Variants in MIER2 observed in about 807,000 individuals in gnomAD.
MIER2 encodes the protein mesoderm induction early response protein 2.
A neutral mutation model predicts 67.6 loss-of-function variants in MIER2; 30 were observed. The observed-to-expected ratio is 0.44, with a 90% confidence interval of 0.33 to 0.60. The LOEUF is 0.60. Among genes scored for constraint, MIER2 ranks in the 20% least tolerant of loss-of-function variants. MIER2 has a pLI of 0.02. For missense variants in MIER2, 702 were observed against 745.1 expected, an observed-to-expected ratio of 0.94 and a Z score of 0.67; for synonymous variants, 372 against 312.6, an observed-to-expected ratio of 1.19 and a Z score of -2.00.
intron 1 of MIER2, chr19:344,022 G>A (rs1353597987): frequency 1.0e-6 from 1 of 985,270 alleles, no homozygotes; most frequent in Non-Finnish European, 1.2e-6. Flanking sequence ...TCCTCAAATT[G>A]GAAAAATTCT....
At chr19:309,573 G>GAC (rs765118782) in intron 10 of MIER2, among the ~76,000 whole-genome samples, 87 of 105,372 alleles carry the variant, frequency 8.3e-4, no homozygotes, top group African/African-American at 1.9e-3. Context: ...GACGAGAAGG[G>GAC]ACACACACAC....
intron 9 of MIER2, 32 bp downstream of exon 9, chr19:312,146 CCAGGGCGGGGCCG>C (rs1235857890): frequency 2.8e-6 from 4 of 1,442,580 alleles, no homozygotes; most frequent in Non-Finnish European, 3.8e-6. Flanking sequence ...TCAGCAGTGC[CCAGGGCGGGGCCG>C]CAGCGGAAGG....
At chr19:311,111 G>A (rs1484670959) in intron 10 of MIER2, among the ~76,000 whole-genome samples, 1 of 152,236 alleles carries the variant, frequency 6.6e-6, no homozygotes, top group Non-Finnish European at 1.5e-5. Flanking sequence ...CCCAAATGGA[G>A]CACGGTCCCA....
At chr19:318,907 A>C (rs1971375501) in intron 7 of MIER2, among the ~76,000 whole-genome samples, 1 of 151,680 alleles carries the variant, frequency 6.6e-6, no homozygotes, top group Non-Finnish European at 1.5e-5. Context: ...AATACAAAAA[A>C]CTAGCCGGGC....
intron 7 of MIER2, among the ~76,000 whole-genome samples, chr19:317,744 A>AAAAC (rs1314995881): frequency 1.3e-5 from 2 of 150,056 alleles, no homozygotes; most frequent in African/African-American, 4.9e-5. Flanking sequence ...AAAAAAAAAA[A>AAAAC]AAACAAACAA....
In MIER2 at chr19:327,954, G is replaced by A. The variant is rs765129751; in HGVS notation, c.279C>T (p.Leu93=). The A allele has an allele frequency of 1.2e-5, 19 of 1,612,980 alleles. No homozygotes were observed. In the East Asian group the frequency reaches 3.6e-4, roughly 30 times the overall value. Residue 93 remains leucine, a synonymous_variant, in exon 4 of 14, where the codon CTC becomes CTT. Coordinates refer to ENST00000264819, the MANE Select transcript of MIER2 (RefSeq NM_017550.3). ...TGGGGTCTGACGCCTCGTAGCCATA[G>A]AGCGCAAGCAGCTCATCAAAGGGCA... is the stretch of plus-strand genomic sequence containing the variant. The part of the protein sequence containing the change: ...NDMPFDELLA[L]YGYEASDPIS...
intron 5 of MIER2, 65 bp downstream of exon 5, chr19:327,068 T>A: frequency 1.3e-6 from 2 of 1,533,556 alleles, no homozygotes. Context: ...GGACCCTTCA[T>A]CAAGCATCAC....
chr19:327,715 C>T (rs544368415), intron 4 of MIER2, 149 bp downstream of exon 4: 1 of 1,329,368 alleles, frequency 7.5e-7, no homozygotes, highest in African/African-American at 1.5e-5. Context: ...CATGGCCATT[C>T]CAACCCCAGG....
At chr19:335,906 CG>C (rs927440093) in intron 2 of MIER2, among the ~76,000 whole-genome samples, 176 bp downstream of exon 2, 17 of 152,230 alleles carry the variant, frequency 1.1e-4, no homozygotes, top group African/African-American at 4.1e-4. Context: ...AACAGGAAGA[CG>C]GGAGTCCTGA....
intron 7 of MIER2, among the ~76,000 whole-genome samples, chr19:317,857 T>C (rs1009683836): frequency 6.6e-6 from 1 of 151,916 alleles, no homozygotes; most frequent in Non-Finnish European, 1.5e-5. Flanking sequence ...ATTTAAAAAA[T>C]GTACATGGAC....
intron 7 of MIER2, among the ~76,000 whole-genome samples, chr19:315,172 C>G (rs1396253328): frequency 6.7e-6 from 1 of 148,180 alleles, no homozygotes; most frequent in Non-Finnish European, 1.5e-5. Flanking sequence ...CGAGACCAGC[C>G]TGGCAAACAT....
At position 308,563 on chromosome 19, in the gene MIER2, T is replaced by A. The variant is rs367605547; in HGVS notation, c.1198+14A>T. On this transcript the variant is annotated intron_variant, in intron 12 of 13. Transcript: ENST00000264819. This position sits in a 1 kb window ranked among gnomAD's most constrained non-coding sequence, Gnocchi z 9.1. ...TGGCCGCCCCCAGGGCAGGAGATACTCCCCAAGCCTCACCTGTGCGCATCC... is the reference window on the plus strand; with the variant it reads ...TGGCCGCCCCCAGGGCAGGAGATACACCCCAAGCCTCACCTGTGCGCATCC... 2.3e-5 allele frequency: 36 copies of A among 1,585,138 alleles called. No homozygotes were observed. The African/African-American group carries it at 4.2e-4, about 18-fold the overall frequency.
chr19:308,656 G>A lies in MIER2; in HGVS notation c.1119C>T (p.Asp373=). ...KYVPSGTTDA[D]QDLDGSDPDG... ...CGGGGTCGCTGCCATCCAGGTCCTGGTCTGCGTCCCTGTGGGGAGAGGGCG... is the reference window on the plus strand; with the variant it reads ...CGGGGTCGCTGCCATCCAGGTCCTGATCTGCGTCCCTGTGGGGAGAGGGCG... The change falls in exon 12 of 14, where the codon GAC becomes GAT. Residue 373 remains aspartate, a synonymous_variant. Coordinates refer to ENST00000264819, the MANE Select transcript of MIER2 (RefSeq NM_017550.3). The surrounding 1 kb of genome is among the most constrained non-coding windows in gnomAD (Gnocchi z 9.1). 1 of 1,602,960 alleles carries A rather than the reference G, an allele frequency of 6.2e-7. No individual in the cohort carries two copies.
chr19:306,493 G>T lies in MIER2; in HGVS notation c.*197C>A, dbSNP rs533306845. ...GGCGCTGACGGCGCTGGGTGGGGCCGTGGGTCCATTCTGTGTGGACAGGGG... is the reference window on the plus strand; with the variant it reads ...GGCGCTGACGGCGCTGGGTGGGGCCTTGGGTCCATTCTGTGTGGACAGGGG... On this transcript the variant is annotated 3_prime_UTR_variant, in exon 14 of 14. Transcript: ENST00000264819. The T allele has an allele frequency of 6.9e-6, 5 of 729,902 alleles. No homozygotes were observed. The highest frequency in any genetic ancestry group is 1.1e-5 in the Non-Finnish European group (5 of 450,332). 45.2% of individuals were successfully genotyped at this position (729,902 alleles called of 1,614,324 possible).
At chr19:314,182 C>G (rs565415759) in intron 7 of MIER2, among the ~76,000 whole-genome samples, 186 of 152,344 alleles carry the variant, frequency 1.2e-3, no homozygotes, top group African/African-American at 4.4e-3. Flanking sequence ...CTGTCGCGCT[C>G]TAACCCTGGG....
intron 8 of MIER2, among the ~76,000 whole-genome samples, chr19:313,198 A>T (rs1046191524): frequency 6.8e-6 from 1 of 146,656 alleles, no homozygotes; most frequent in African/African-American, 2.6e-5. Context: ...GGGGCCGTCC[A>T]CACCATCCTC....
At chr19:333,687 A>G (rs1247872516) in intron 3 of MIER2, among the ~76,000 whole-genome samples, 1 of 91,828 alleles carries the variant, frequency 1.1e-5, no homozygotes, top group East Asian at 3.1e-4. Flanking sequence ...CTAATTTTGT[A>G]TTCTTTTTTT....
intron 2 of MIER2, among the ~76,000 whole-genome samples, chr19:335,601 ACAGCGT>A (rs1972209887): frequency 6.6e-6 from 1 of 152,194 alleles, no homozygotes. Context: ...CCCTTGCCCT[ACAGCGT>A]CAGCTCCTCC....
At chr19:344,465 C>CG (rs1419035455) in intron 1 of MIER2, 1 of 766,598 alleles carries the variant, frequency 1.3e-6, no homozygotes, top group Non-Finnish European at 1.6e-6. Context: ...ACCGGACCCC[C>CG]GACACCAGCC....
Sources: gnomAD v4.1 joint callset for allele counts (sites outside exome capture counted in the v4.1 genomes callset) on GRCh38, gnomAD v4.1.1 for gene constraint, Gnocchi (gnomAD v3.1) non-coding constraint, MANE v1.5 for transcripts, NCBI Gene and HGNC (gene_info 2026-07-23, HGNC 2026-07-21) for gene names.